Variants in JADE1 observed in about 807,000 individuals in gnomAD.
JADE1 encodes the protein protein Jade-1.
A neutral mutation model predicts 81.8 loss-of-function variants in JADE1; 14 were observed. The observed-to-expected ratio is 0.17, with a 90% CI of 0.11 to 0.27. The LOEUF is 0.27. Among genes scored for constraint, JADE1 ranks in the 10% least tolerant of loss-of-function variants. The pLI, the probability that JADE1 is intolerant of heterozygous loss-of-function variation, is 1.00. For synonymous variants in JADE1, 353 were observed against 391.9 expected (o/e 0.90, Z 1.17); for missense variants, 690 against 1,047.9 (o/e 0.66, Z 4.71).
At chr4:128,834,771 T>A (rs756536186) in intron 2 of JADE1, among the ~76,000 whole-genome samples, 1 of 151,980 alleles carries the variant, frequency 6.6e-6, no homozygotes, top group African/African-American at 2.4e-5. Context: ...CCTGACCTCA[T>A]GATCTGCCCA....
rs774639022 is a variant in JADE1 at position 128,872,403 on chromosome 4, C to T, written c.*141C>T. 8.1e-5 allele frequency: 59 copies of T among 725,152 alleles called. No individual in the cohort carries two copies. The highest frequency in any genetic ancestry group is 1.1e-4 in the South Asian group (5 of 45,782). The allele number at this position is 725,152 out of a possible 1,614,324, so 44.9% of individuals were successfully genotyped here. A position where few individuals can be genotyped will look rare whatever the true frequency, so the allele number is the denominator to read the frequency against. On this transcript the variant is annotated 3_prime_UTR_variant, in exon 11 of 11. Transcript: ENST00000226319. ...CTTGCAATTCAGATTAATTTTTTTC[C>T]AGAGTCATTTTTAAATCATTTTTGT...
At chr4:128,835,348 C>T (rs1189127773) in intron 2 of JADE1, among the ~76,000 whole-genome samples, 1 of 152,178 alleles carries the variant, frequency 6.6e-6, no homozygotes, top group Non-Finnish European at 1.5e-5. Flanking sequence ...TCATTAAGAA[C>T]CCCTGAAATG....
intron 2 of JADE1, among the ~76,000 whole-genome samples, chr4:128,834,914 G>A (rs1234375814): frequency 6.6e-6 from 1 of 151,998 alleles, no homozygotes; most frequent in Non-Finnish European, 1.5e-5. Flanking sequence ...GGGAGGCTGA[G>A]CTGGGAGGAT....
chr4:128,813,339 G>A lies in JADE1; in HGVS notation c.-27+3462G>A, dbSNP rs564905625. Among the ~76,000 whole-genome samples, 4 of 151,000 alleles carry A rather than the reference G, an allele frequency of 2.6e-5. No individual in the cohort carries two copies. The South Asian group carries it at 8.4e-4, about 32-fold the overall frequency. ...GTTTTGTGAGTAACACTCTTAGCAAGTACATGCAACCCAGAATTTTTATTG... is the reference window on the plus strand; with the variant it reads ...GTTTTGTGAGTAACACTCTTAGCAAATACATGCAACCCAGAATTTTTATTG... On this transcript the variant is annotated intron_variant, in intron 1 of 10. Coordinates refer to ENST00000226319, the MANE Select transcript of JADE1 (RefSeq NM_199320.4).
intron 1 of JADE1, among the ~76,000 whole-genome samples, chr4:128,823,389 A>C (rs943701274): frequency 6.6e-6 from 1 of 152,232 alleles, no homozygotes; most frequent in Admixed American, 6.5e-5. Flanking sequence ...TTCAAAAATA[A>C]CTTATAAAGA....
intron 7 of JADE1, among the ~76,000 whole-genome samples, chr4:128,856,221 A>G (rs1270694432): frequency 2.0e-5 from 3 of 152,224 alleles, no homozygotes; most frequent in Non-Finnish European, 1.5e-5. Context: ...CATTGCAGCT[A>G]TGAGTAAAAA....
intron 2 of JADE1, among the ~76,000 whole-genome samples, chr4:128,832,152 G>A (rs150996998): frequency 3.5e-4 from 53 of 152,326 alleles, no homozygotes; most frequent in Middle Eastern, 3.4e-3. Flanking sequence ...TCAAAGCCAG[G>A]TAATCATTAA....
chr4:128,817,235 TA>T (rs1727124233), intron 1 of JADE1, among the ~76,000 whole-genome samples: 2 of 152,096 alleles, frequency 1.3e-5, no homozygotes, highest in African/African-American at 4.8e-5. Context: ...GAGGTTTCAC[TA>T]TGTTGCTCAG....
At chr4:128,834,003 T>C (rs1455666912) in intron 2 of JADE1, among the ~76,000 whole-genome samples, 1 of 152,204 alleles carries the variant, frequency 6.6e-6, no homozygotes. Context: ...TTTAAACTTT[T>C]ACTTAATTTT....
chr4:128,870,062 C>G (rs192550663), intron 10 of JADE1, among the ~76,000 whole-genome samples: 13 of 152,176 alleles, frequency 8.5e-5, no homozygotes, highest in Admixed American at 5.9e-4. Context: ...GTTGGAGGCT[C>G]TTTAGAGACA....
chr4:128,815,312 G>C (rs532486825), intron 1 of JADE1, among the ~76,000 whole-genome samples: 83 of 152,176 alleles, frequency 5.5e-4, no homozygotes, highest in Non-Finnish European at 1.1e-3. Flanking sequence ...GTGTTAGCCA[G>C]GATGGTCTCG....
chr4:128,829,126 C>T (rs1245055580), intron 1 of JADE1, among the ~76,000 whole-genome samples: 1 of 152,140 alleles, frequency 6.6e-6, no homozygotes, highest in East Asian at 1.9e-4. Context: ...GTGTTTTTGG[C>T]ACACACAGGG....
At chr4:128,814,506 A>G (rs2125785371) in intron 1 of JADE1, among the ~76,000 whole-genome samples, 1 of 152,010 alleles carries the variant, frequency 6.6e-6, no homozygotes, top group East Asian at 1.9e-4. Flanking sequence ...TTTTCTATGC[A>G]TGTGCATGTG....
In JADE1 at chr4:128,871,226, G is replaced by C. The variant is rs1029213637; in HGVS notation, c.1622-129G>C. 6.8e-6 allele frequency: 6 copies of C among 877,184 alleles called. No individual in the cohort carries two copies. The highest frequency in any genetic ancestry group is 1.1e-5 in the Non-Finnish European group (6 of 571,122). The allele number at this position is 877,184 out of a possible 1,614,324, so 54.3% of individuals were successfully genotyped here. A position where few individuals can be genotyped will look rare whatever the true frequency, so the allele number is the denominator to read the frequency against. On this transcript the variant is annotated intron_variant, in intron 10 of 10. Coordinates refer to ENST00000226319, the MANE Select transcript of JADE1 (RefSeq NM_199320.4). The surrounding 1 kb of genome is among the most constrained non-coding windows in gnomAD (Gnocchi z 4.1). ...ATAAAAACCAAATTTGTACAAACTT[G>C]GTGGTGTAAGTGTTGTGTTGTTGGG...
chr4:128,856,079 A>G (rs1730769862), intron 7 of JADE1, among the ~76,000 whole-genome samples: 1 of 152,196 alleles, frequency 6.6e-6, no homozygotes, highest in South Asian at 2.1e-4. Flanking sequence ...TTGGCTTTCC[A>G]AAGTGTTGGG....
chr4:128,815,220 C>T (rs1579086643), intron 1 of JADE1, among the ~76,000 whole-genome samples: 2 of 152,132 alleles, frequency 1.3e-5, no homozygotes, highest in Middle Eastern at 3.4e-3. Flanking sequence ...CCTGCCTCAG[C>T]CTCCAGAGTA....
intron 2 of JADE1, among the ~76,000 whole-genome samples, chr4:128,838,306 A>G (rs1309200122): frequency 6.6e-6 from 1 of 152,240 alleles, no homozygotes; most frequent in East Asian, 1.9e-4. Context: ...TTAACAGTGT[A>G]TGTCAAGAAT....
chr4:128,842,792 G>A (rs1337140521), intron 2 of JADE1, among the ~76,000 whole-genome samples, 161 bp from the exon 3 acceptor site: 3 of 152,188 alleles, frequency 2.0e-5, no homozygotes, highest in African/African-American at 7.2e-5. Context: ...AATAACTGAT[G>A]GACGTGGAAG....
intron 2 of JADE1, among the ~76,000 whole-genome samples, chr4:128,836,060 G>A (rs4975270): frequency 0.47 from 72,010 of 152,010 alleles, 20,426 homozygotes; most frequent in South Asian, 0.63. Context: ...CTGAAGTTAC[G>A]CATTGCGCCA....
Sources: allele counts gnomAD v4.1 joint callset (sites outside exome capture counted in the v4.1 genomes callset), GRCh38; gene constraint gnomAD v4.1.1; non-coding constraint Gnocchi (gnomAD v3.1); transcripts MANE v1.5; gene names NCBI Gene and HGNC (gene_info 2026-07-23, HGNC 2026-07-21).